SNTG2: variants seen among roughly 807,000 people sequenced by gnomAD.
The protein encoded by SNTG2 is gamma-2-syntrophin.
A neutral mutation model predicts 70.9 loss-of-function variants in SNTG2; 74 were observed. The ratio of observed to expected loss-of-function variants is 1.04; its 90% CI spans 0.86 to 1.27. SNTG2 has a LOEUF of 1.27. Ranked by LOEUF, SNTG2 falls within the 50% of genes most tolerant of loss-of-function variation. The probability of loss-of-function intolerance (pLI) is 0.00; values close to 1 mark genes in which losing one functional copy is unlikely to be tolerated. For missense variants in SNTG2, 717 were observed against 690.7 expected (o/e 1.04, Z -0.43); for synonymous variants, 278 against 273.8 (o/e 1.02, Z -0.15).
At chr2:1,223,569 G>A (rs563551124) in intron 9 of SNTG2, among the ~76,000 whole-genome samples, 3 of 152,154 alleles carry the variant, frequency 2.0e-5, no homozygotes, top group Admixed American at 6.5e-5. Flanking sequence ...CAATTTCCTG[G>A]CACCCTCCCC....
intron 8 of SNTG2, among the ~76,000 whole-genome samples, chr2:1,181,436 C>CT (rs1671890663): frequency 6.6e-6 from 1 of 152,184 alleles, no homozygotes; most frequent in Non-Finnish European, 1.5e-5. Flanking sequence ...ACCAGCTTCA[C>CT]TTTCATCCTC....
intron 12 of SNTG2, among the ~76,000 whole-genome samples, chr2:1,255,889 TATATAA>T (rs1364359013): frequency 4.4e-5 from 3 of 67,462 alleles, no homozygotes; most frequent in African/African-American, 2.5e-4. Flanking sequence ...TATATAAATA[TATATAA>T]ATATATATAT....
chr2:1,096,601 C>T (rs951557000), intron 2 of SNTG2, among the ~76,000 whole-genome samples: 8 of 152,178 alleles, frequency 5.3e-5, no homozygotes, highest in African/African-American at 1.4e-4. Flanking sequence ...CTGGCTTATT[C>T]GACTCGGCAC....
At chr2:1,100,062 T>G (rs1393185227) in intron 4 of SNTG2, among the ~76,000 whole-genome samples, 1 of 151,942 alleles carries the variant, frequency 6.6e-6, no homozygotes, top group East Asian at 1.9e-4. Flanking sequence ...AATTTAAGTG[T>G]GATAAGAAAT....
intron 9 of SNTG2, among the ~76,000 whole-genome samples, chr2:1,230,716 C>T (rs993277532): frequency 6.6e-6 from 1 of 152,250 alleles, no homozygotes; most frequent in Non-Finnish European, 1.5e-5. Flanking sequence ...GGGCGCCAGA[C>T]ATTCCCAAGC....
At chr2:1,083,951 G>A (rs1200568298) in intron 2 of SNTG2, among the ~76,000 whole-genome samples, 2 of 152,010 alleles carry the variant, frequency 1.3e-5, no homozygotes, top group African/African-American at 4.8e-5. Context: ...CGAGGCAGGG[G>A]AATCACTTGA....
chr2:1,216,375 G>A (rs1456970680), intron 9 of SNTG2, among the ~76,000 whole-genome samples: 1 of 152,170 alleles, frequency 6.6e-6, no homozygotes, highest in African/African-American at 2.4e-5. Context: ...GTCTGTTCAT[G>A]TCCTTCGCTC....
chr2:1,233,475 G>A (rs1676396803), intron 9 of SNTG2, among the ~76,000 whole-genome samples: 2 of 152,226 alleles, frequency 1.3e-5, no homozygotes, highest in South Asian at 2.1e-4. Context: ...AGCGAAGGCA[G>A]GCAGTGTGAC....
At chr2:1,266,603 T>C (rs1022367785) in intron 13 of SNTG2, among the ~76,000 whole-genome samples, 5 of 152,036 alleles carry the variant, frequency 3.3e-5, no homozygotes, top group Middle Eastern at 3.4e-3. Flanking sequence ...CTCAGGACAA[T>C]GAACCCGCAA....
At chr2:1,235,555 C>G (rs367676055) in intron 9 of SNTG2, among the ~76,000 whole-genome samples, 2 of 88,972 alleles carry the variant, frequency 2.2e-5, no homozygotes, top group African/African-American at 1.1e-4. Flanking sequence ...CAGGCCCCAC[C>G]AGGCACCCCC....
At chr2:1,253,560 T>A (rs933085276) in intron 12 of SNTG2, among the ~76,000 whole-genome samples, 4 of 152,166 alleles carry the variant, frequency 2.6e-5, no homozygotes, top group African/African-American at 9.7e-5. Flanking sequence ...CATGGCAACT[T>A]AGGAAAAACT....
At chr2:1,175,724 T>C (rs1370439197) in intron 8 of SNTG2, among the ~76,000 whole-genome samples, 1 of 152,210 alleles carries the variant, frequency 6.6e-6, no homozygotes, top group Non-Finnish European at 1.5e-5. Flanking sequence ...GAAACTGTCC[T>C]CCTACCCTTT....
In SNTG2 at chr2:1,008,192, T is replaced by C. The variant is rs1659627118; in HGVS notation, c.72+57124T>C. 5.3e-5 allele frequency among the ~76,000 whole-genome samples: 8 copies of C among 152,336 alleles called. No individual in the cohort carries two copies. In the South Asian group the frequency reaches 1.5e-3, roughly 28 times the overall value. ...ACTCGTTTTCTATTTTTCTGTTCTA[T>C]ATCTTTCTCTGAAAGTAGTTGATCT... On this transcript the variant is annotated intron_variant, in intron 1 of 16. Transcript: ENST00000308624.
intron 1 of SNTG2, among the ~76,000 whole-genome samples, chr2:1,004,812 C>T (rs567506767): frequency 6.6e-6 from 1 of 152,314 alleles, no homozygotes; most frequent in South Asian, 2.1e-4. Flanking sequence ...GCTCTCTGGA[C>T]TTTACCCAAA....
chr2:1,044,630 G>A (rs902293927), intron 1 of SNTG2, among the ~76,000 whole-genome samples: 3 of 152,146 alleles, frequency 2.0e-5, no homozygotes, highest in Non-Finnish European at 2.9e-5. Flanking sequence ...AGCTTTTTAT[G>A]TGTTTATTGA....
chr2:1,322,526 A>G (rs544927873), intron 16 of SNTG2, among the ~76,000 whole-genome samples: 1 of 152,320 alleles, frequency 6.6e-6, no homozygotes, highest in East Asian at 1.9e-4. Flanking sequence ...GAGAAATAAT[A>G]AAAATTAATA....
chr2:1,170,632 A>G (rs548520687), intron 7 of SNTG2, among the ~76,000 whole-genome samples: 1 of 152,146 alleles, frequency 6.6e-6, no homozygotes, highest in Non-Finnish European at 1.5e-5. Context: ...GTCCGCCCCC[A>G]ATGTCGCGGG....
intron 6 of SNTG2, among the ~76,000 whole-genome samples, chr2:1,146,412 TGAA>T (rs1345809778): frequency 2.7e-4 from 41 of 151,048 alleles, no homozygotes; most frequent in African/African-American, 9.9e-4. Context: ...AAAAAATTAA[TGAA>T]GAAGATAGTC....
At chr2:1,023,489 G>A (rs1207141296) in intron 1 of SNTG2, among the ~76,000 whole-genome samples, 1 of 152,136 alleles carries the variant, frequency 6.6e-6, no homozygotes, top group African/African-American at 2.4e-5. Flanking sequence ...GAGATAAAAG[G>A]CCTGACTTAT....
Sources: gnomAD v4.1 joint callset for allele counts (sites outside exome capture counted in the v4.1 genomes callset) on GRCh38, gnomAD v4.1.1 for gene constraint, MANE v1.5 for transcripts, NCBI Gene and HGNC (gene_info 2026-07-23, HGNC 2026-07-21) for gene names.